The following CDIPT variants were observed in gnomAD, a reference collection of about 807,000 sequenced individuals.
CDIPT encodes CDP-diacylglycerol--inositol 3-phosphatidyltransferase.
CDIPT carries 17 observed loss-of-function variants against 21.6 expected under a neutral mutation model. The observed-to-expected ratio is 0.79, with a 90% confidence interval of 0.54 to 1.18. The LOEUF (loss-of-function observed/expected upper bound fraction) is 1.18. Among genes scored for constraint, CDIPT ranks in the 50% most tolerant of loss-of-function variants. CDIPT has a pLI of 0.00. For synonymous variants in CDIPT, 119 were observed against 117.9 expected (o/e 1.01, Z -0.06); for missense variants, 254 against 284.9 (o/e 0.89, Z 0.78).
chr16:29,860,805 G>C, intron 3 of CDIPT, 143 bp from the exon 4 acceptor site: 1 of 654,224 alleles, frequency 1.5e-6, no homozygotes, highest in Non-Finnish European at 2.8e-6. Context: ...TACCTATTTG[G>C]GGGCAGAGTC....
chr16:29,859,270 C>G lies in CDIPT; in HGVS notation c.561G>C (p.Ser187=). ...WVTAPIALLK[S]LISVIHLITA... is the part of the protein sequence containing the mutation. ...TGATCAGGTGGATGACGCTGATGAG[C>G]GACTTCAGCAAGGCGATGGGGGCAG... The change falls in exon 6 of 6, where the codon TCG becomes TCC. Residue 187 remains serine (S), a synonymous_variant. Coordinates refer to ENST00000219789, the MANE Select transcript of CDIPT (RefSeq NM_006319.5). The surrounding 1 kb of genome is among the most constrained non-coding windows in gnomAD (Gnocchi z 4.5). 6.3e-7 allele frequency: 1 copy of G among 1,584,994 alleles called. No individual in the cohort carries two copies. Among genetic ancestry groups the G allele is most frequent in the Non-Finnish European group, 8.6e-7 (1 of 1,165,874 alleles).
At position 29,859,922 on chromosome 16, in the gene CDIPT, T is replaced by C. The variant is rs941087946; in HGVS notation, c.415-399A>G. 1.3e-5 allele frequency among the ~76,000 whole-genome samples: 2 copies of C among 152,024 alleles called. No homozygotes were observed. The highest frequency in any genetic ancestry group is 3.9e-4 in the East Asian group (2 of 5,180). On this transcript the variant is annotated intron_variant, in intron 4 of 5. Coordinates refer to ENST00000219789, the MANE Select transcript of CDIPT (RefSeq NM_006319.5). The surrounding 1 kb of genome is among the most constrained non-coding windows in gnomAD (Gnocchi z 4.5). ...CAGGAGGCTGAGGCACAAGAATCGC[T>C]TGAACCCAGCAGGCAGAGGTTGCAG...
rs569431111 is a variant in CDIPT, at chr16:29,859,576, C to T, written c.415-53G>A. On this transcript the variant is annotated intron_variant, in intron 4 of 5. Transcript: ENST00000219789. This position sits in a 1 kb window ranked among gnomAD's most constrained non-coding sequence, Gnocchi z 4.5. ...AGCAAGAGGCAGGCGTGTGCCACCC[C>T]CTGCCCCCCCAGCACTAATGAAGGC... The T allele has an allele frequency of 1.4e-4, 166 of 1,201,642 alleles. 1 individual carries two copies. Among genetic ancestry groups the T allele is most frequent in the African/African-American group, 1.0e-3 (68 of 67,060 alleles). The allele number at this position is 1,201,642 out of a possible 1,614,324, so 74.4% of individuals were successfully genotyped here.
In CDIPT at chr16:29,862,741, G is replaced by A; in HGVS notation, c.44-21C>T. ...ATAACCTTGGAACGGGACGCGGGGA[G>A]ACAGGGCAGGATCAGGGAGCCCGCC... On this transcript the variant is annotated intron_variant, in intron 1 of 5. Transcript: ENST00000219789. This position sits in a 1 kb window ranked among gnomAD's most constrained non-coding sequence, Gnocchi z 6.7. The A allele has an allele frequency of 1.2e-6, 2 of 1,613,836 alleles. No individual in the cohort carries two copies. The highest frequency in any genetic ancestry group is 1.1e-5 in the South Asian group (1 of 91,056).
Position 29,862,478 on chromosome 16 carries a change from T to G in CDIPT, c.178+108A>C. 8.3e-7 allele frequency: 1 copy of G among 1,209,840 alleles called. No homozygotes were observed. The highest frequency in any genetic ancestry group is 1.2e-6 in the Non-Finnish European group (1 of 859,570). The allele number at this position is 1,209,840 out of a possible 1,614,324, so 74.9% of individuals were successfully genotyped here. A position where few individuals can be genotyped will look rare whatever the true frequency, so the allele number is the denominator to read the frequency against. The stretch of plus-strand genomic sequence containing the variant: ...GCCCCAGGCCATCCTGTTCTGCTTT[T>G]TCCAGAGATGGGAATGACAGCCCTC... On this transcript the variant is annotated intron_variant, in intron 2 of 5. Coordinates refer to ENST00000219789, the MANE Select transcript of CDIPT (RefSeq NM_006319.5). This position sits in a 1 kb window ranked among gnomAD's most constrained non-coding sequence, Gnocchi z 6.7.
At chr16:29,861,317 A>G (rs1250624041) in intron 2 of CDIPT, 58 bp from the exon 3 acceptor site, 2 of 1,605,606 alleles carry the variant, frequency 1.2e-6, no homozygotes, top group African/African-American at 1.3e-5. Context: ...ACAGGTGCCC[A>G]TATTTGGTTT....
chr16:29,859,377 G>A lies in CDIPT; in HGVS notation c.497-43C>T. On this transcript the variant is annotated intron_variant, in intron 5 of 5. Transcript: ENST00000219789. This position sits in a 1 kb window ranked among gnomAD's most constrained non-coding sequence, Gnocchi z 4.5. ...GGGAGTTTGGGGCCCGAAGGAGGGG[G>A]CCTCCATCTCCCTGGGCAGGCCAGA... The A allele has an allele frequency of 6.3e-7, 1 of 1,584,122 alleles. No homozygotes were observed. Among genetic ancestry groups the A allele is most frequent in the Non-Finnish European group, 8.6e-7 (1 of 1,164,038 alleles).
chr16:29,862,750 G>A lies in CDIPT; in HGVS notation c.44-30C>T, dbSNP rs1367288153. 1.2e-6 allele frequency: 2 copies of A among 1,613,812 alleles called. No homozygotes were observed. The highest frequency in any genetic ancestry group is 1.7e-6 in the Non-Finnish European group (2 of 1,179,822). ...GAACGGGACGCGGGGAGACAGGGCA[G>A]GATCAGGGAGCCCGCCAAGGCCCCT... On this transcript the variant is annotated intron_variant, in intron 1 of 5. Transcript: ENST00000219789. This position sits in a 1 kb window ranked among gnomAD's most constrained non-coding sequence, Gnocchi z 6.7.
In CDIPT at chr16:29,859,171, G is replaced by A; in HGVS notation, c.*18C>T. 1.3e-6 allele frequency: 2 copies of A among 1,587,820 alleles called. No homozygotes were observed. Among genetic ancestry groups the A allele is most frequent in the Non-Finnish European group, 1.7e-6 (2 of 1,169,744 alleles). On this transcript the variant is annotated 3_prime_UTR_variant, in exon 6 of 6. Coordinates refer to ENST00000219789, the MANE Select transcript of CDIPT (RefSeq NM_006319.5). The surrounding 1 kb of genome is among the most constrained non-coding windows in gnomAD (Gnocchi z 4.5). Reference sequence around the variant, plus strand: ...GACTCCCAGGGCAGGTGGGCAGCCAGGACCCGGGGCTCCAGCGTCACTTCT... The same window carrying A: ...GACTCCCAGGGCAGGTGGGCAGCCAAGACCCGGGGCTCCAGCGTCACTTCT...
At chr16:29,860,232 T>C (rs1039601619) in intron 4 of CDIPT, among the ~76,000 whole-genome samples, 1 of 152,160 alleles carries the variant, frequency 6.6e-6, no homozygotes, top group South Asian at 2.1e-4. Context: ...ATTACAGGCA[T>C]GAGCCACCAT....
chr16:29,859,126 G>T lies in CDIPT; in HGVS notation c.*63C>A. On this transcript the variant is annotated 3_prime_UTR_variant, in exon 6 of 6. Coordinates refer to ENST00000219789, the MANE Select transcript of CDIPT (RefSeq NM_006319.5). This position sits in a 1 kb window ranked among gnomAD's most constrained non-coding sequence, Gnocchi z 4.5. ...ACTGGGACCTCCTAGCAGGGGGTGG[G>T]GAGCTGTGTGGCACAGCAAGACTCC... The T allele has an allele frequency of 6.6e-7, 1 of 1,522,066 alleles. No individual in the cohort carries two copies. The highest frequency in any genetic ancestry group is 1.2e-5 in the South Asian group (1 of 83,928). 94.3% of individuals were successfully genotyped at this position (1,522,066 alleles called of 1,614,324 possible). A position where few individuals can be genotyped will look rare whatever the true frequency, so the allele number is the denominator to read the frequency against.
In CDIPT at chr16:29,859,034, G is replaced by A. The variant is rs770140458; in HGVS notation, c.*155C>T. 1.3e-4 allele frequency: 107 copies of A among 797,828 alleles called. No individual in the cohort carries two copies. The highest frequency in any genetic ancestry group is 1.8e-4 in the Non-Finnish European group (95 of 515,676). The allele number at this position is 797,828 out of a possible 1,614,324, so 49.4% of individuals were successfully genotyped here. On this transcript the variant is annotated 3_prime_UTR_variant, in exon 6 of 6. Coordinates refer to ENST00000219789, the MANE Select transcript of CDIPT (RefSeq NM_006319.5). This position sits in a 1 kb window ranked among gnomAD's most constrained non-coding sequence, Gnocchi z 4.5. ...CCGGGTCCTCAGGATCCCAGAGAACGTGACGTCACCAAAGAGAGGCTGACC... is the reference window on the plus strand; with the variant it reads ...CCGGGTCCTCAGGATCCCAGAGAACATGACGTCACCAAAGAGAGGCTGACC...
rs781421727 is a variant in CDIPT, at chr16:29,862,907, G to A, written c.-50C>T. On this transcript the variant is annotated 5_prime_UTR_variant, in exon 1 of 6. Coordinates refer to ENST00000219789, the MANE Select transcript of CDIPT (RefSeq NM_006319.5). The surrounding 1 kb of genome is among the most constrained non-coding windows in gnomAD (Gnocchi z 6.7). ...GGCCTGCTCTGGAGATGCCAGTGCTGTCCCAGCCCCGCAGCGCGGCCTCAG... is the reference window on the plus strand; with the variant it reads ...GGCCTGCTCTGGAGATGCCAGTGCTATCCCAGCCCCGCAGCGCGGCCTCAG... 6.2e-7 allele frequency: 1 copy of A among 1,604,774 alleles called. No individual in the cohort carries two copies. Among genetic ancestry groups the A allele is most frequent in the Non-Finnish European group, 8.5e-7 (1 of 1,173,164 alleles).
In CDIPT at chr16:29,859,100, G is replaced by A. The variant is rs60459391; in HGVS notation, c.*89C>T. 1.4e-6 allele frequency: 2 copies of A among 1,402,212 alleles called. No individual in the cohort carries two copies. The highest frequency in any genetic ancestry group is 2.8e-5 in the African/African-American group (2 of 70,712). The allele number at this position is 1,402,212 out of a possible 1,614,324, so 86.9% of individuals were successfully genotyped here. A position where few individuals can be genotyped will look rare whatever the true frequency, so the allele number is the denominator to read the frequency against. On this transcript the variant is annotated 3_prime_UTR_variant, in exon 6 of 6. Coordinates refer to ENST00000219789, the MANE Select transcript of CDIPT (RefSeq NM_006319.5). The surrounding 1 kb of genome is among the most constrained non-coding windows in gnomAD (Gnocchi z 4.5). ...AGAACAACACATGAGGAAGGCGTGA[G>A]ACTGGGACCTCCTAGCAGGGGGTGG...
At chr16:29,861,889 A>G (rs1404140441) in intron 2 of CDIPT, among the ~76,000 whole-genome samples, 3 of 151,894 alleles carry the variant, frequency 2.0e-5, no homozygotes, top group Non-Finnish European at 4.4e-5. Context: ...ACGCGTCACC[A>G]AGCCCGCTAA....
chr16:29,861,699 C>T, intron 2 of CDIPT: 1 of 594,910 alleles, frequency 1.7e-6, no homozygotes, highest in Non-Finnish European at 3.0e-6. Context: ...CAGTAGGCCT[C>T]CAGTAAACAC....
rs1402232401 is a variant in CDIPT, at chr16:29,862,531, G to T, written c.178+55C>A. The T allele has an allele frequency of 2.6e-6, 4 of 1,538,134 alleles. No individual in the cohort carries two copies. The African/African-American group carries it at 5.5e-5, about 21-fold the overall frequency. On this transcript the variant is annotated intron_variant, in intron 2 of 5. Transcript: ENST00000219789. This position sits in a 1 kb window ranked among gnomAD's most constrained non-coding sequence, Gnocchi z 6.7. ...ACTCTGAGGTCCCGAGGAGGCAGGG[G>T]AAGGGAGGAGGGGATTGTTGAACCC...
Position 29,858,680 on chromosome 16 carries a change from A to G in CDIPT, c.*509T>C, listed in dbSNP as rs1457949203. ...CTAAGCTCCCTCAACCCAGGCCCTG[A>G]GCCAAGAATATCTGAAAGGAAACCA... On this transcript the variant is annotated 3_prime_UTR_variant, in exon 6 of 6. Transcript: ENST00000219789. The G allele has an allele frequency of 1.3e-5, 2 of 156,532 alleles. No individual in the cohort carries two copies. Among genetic ancestry groups the G allele is most frequent in the African/African-American group, 4.8e-5 (2 of 41,446 alleles). 9.7% of individuals were successfully genotyped at this position (156,532 alleles called of 1,614,324 possible).
chr16:29,859,536 C>G lies in CDIPT; in HGVS notation c.415-13G>C. On this transcript the variant is annotated splice_polypyrimidine_tract_variant and intron_variant, in intron 4 of 5. Coordinates refer to ENST00000219789, the MANE Select transcript of CDIPT (RefSeq NM_006319.5). The surrounding 1 kb of genome is among the most constrained non-coding windows in gnomAD (Gnocchi z 4.5). Reference sequence around the variant, plus strand: ...TGAACAGAGCAGGCTGCACACACAGCAAACAGGCCACGTTAGCAAGAGGCA... The same window carrying G: ...TGAACAGAGCAGGCTGCACACACAGGAAACAGGCCACGTTAGCAAGAGGCA... The G allele has an allele frequency of 6.2e-7, 1 of 1,602,680 alleles. No homozygotes were observed. The highest frequency in any genetic ancestry group is 8.5e-7 in the Non-Finnish European group (1 of 1,170,486).
Sources: gnomAD v4.1 joint callset for allele counts (sites outside exome capture counted in the v4.1 genomes callset) on GRCh38, gnomAD v4.1.1 for gene constraint, Gnocchi (gnomAD v3.1) non-coding constraint, MANE v1.5 for transcripts, NCBI Gene and HGNC (gene_info 2026-07-23, HGNC 2026-07-21) for gene names.